The following TENM3 variants were observed in gnomAD, a reference collection of about 807,000 sequenced individuals.
TENM3 encodes the protein teneurin-3.
A neutral mutation model predicts 255.1 loss-of-function variants in TENM3; 63 were observed. The ratio of observed to expected loss-of-function variants is 0.25; its 90% CI spans 0.20 to 0.30. The LOEUF (loss-of-function observed/expected upper bound fraction) is 0.30, where lower values mean the gene tolerates loss of function less well. TENM3 is among the 10% of genes least tolerant of loss of function. The pLI is 1.00. For missense variants in TENM3, 2,929 were observed against 3,461.1 expected, an observed-to-expected ratio of 0.85 and a Z score of 3.86; for synonymous variants, 1,306 against 1,322.3, an observed-to-expected ratio of 0.99 and a Z score of 0.27.
the TENM3 span, among the ~76,000 whole-genome samples, chr4:181,868,303 A>G: frequency 6.6e-6 from 1 of 151,900 alleles, no homozygotes; most frequent in African/African-American, 2.4e-5. Context: ...CAGGATCATG[A>G]CTTCTAACAC....
intron 24 of TENM3, among the ~76,000 whole-genome samples, chr4:182,784,441 C>G (rs991541027): frequency 1.1e-4 from 16 of 151,484 alleles, no homozygotes; most frequent in African/African-American, 3.4e-4. Flanking sequence ...GCTGGGAGAA[C>G]CACTGCTCTC....
chr4:182,445,491 T>TCGGTTA (rs1772841490), intron 3 of TENM3, among the ~76,000 whole-genome samples: 2 of 152,176 alleles, frequency 1.3e-5, no homozygotes, highest in African/African-American at 4.8e-5. Context: ...AATCTCAGTG[T>TCGGTTA]CGGTTACAAT....
chr4:182,391,775 T>C (rs1201367210), intron 3 of TENM3, among the ~76,000 whole-genome samples: 2 of 152,182 alleles, frequency 1.3e-5, no homozygotes, highest in African/African-American at 2.4e-5. Flanking sequence ...ATAAAGTTGG[T>C]ACTTAAAAAT....
chr4:182,341,104 AG>A lies in TENM3; in HGVS notation c.233-5545del, dbSNP rs1299893317. 3.3e-5 allele frequency among the ~76,000 whole-genome samples: 5 copies of A among 152,322 alleles called. No individual in the cohort carries two copies. In the East Asian group the frequency reaches 9.6e-4, roughly 29 times the overall value. On this transcript the variant is annotated intron_variant, in intron 2 of 27. Transcript: ENST00000511685. Reference sequence around the variant, plus strand: ...TTCATTTCTTTACAATAAACGAGGAAGGATTTTTAAAACTGAGCTTCCCCTA... The same window carrying A: ...TTCATTTCTTTACAATAAACGAGGAAGATTTTTAAAACTGAGCTTCCCCTA...
the TENM3 span, among the ~76,000 whole-genome samples, chr4:182,037,250 C>T: frequency 6.6e-6 from 1 of 151,816 alleles, no homozygotes; most frequent in Non-Finnish European, 1.5e-5. Flanking sequence ...TGGGTTCAAG[C>T]AATTCTCCTG....
chr4:182,360,120 T>A (rs570601502), intron 3 of TENM3, among the ~76,000 whole-genome samples: 1 of 148,674 alleles, frequency 6.7e-6, no homozygotes, highest in East Asian at 2.0e-4. Context: ...TTACATTTGC[T>A]GAGGAGAGCT....
the TENM3 span, among the ~76,000 whole-genome samples, chr4:182,109,279 A>G: frequency 0.024 from 3,532 of 148,882 alleles, 130 homozygotes; most frequent in East Asian, 0.17. Flanking sequence ...ATTATGTCAC[A>G]TATAGTATAA....
At chr4:182,170,814 C>A (rs1752055348) in intron 1 of TENM3, among the ~76,000 whole-genome samples, 1 of 152,060 alleles carries the variant, frequency 6.6e-6, no homozygotes, top group South Asian at 2.1e-4. Flanking sequence ...TGTTAAGTGG[C>A]AAAGTAAAAT....
chr4:181,944,420 C>T, the TENM3 span, among the ~76,000 whole-genome samples: 1 of 150,444 alleles, frequency 6.6e-6, no homozygotes, highest in South Asian at 2.1e-4. Flanking sequence ...ATGTTGAGCA[C>T]CCACACTGGC....
the TENM3 span, chr4:181,975,048 G>A: frequency 6.6e-6 from 1 of 151,342 alleles, no homozygotes; most frequent in Non-Finnish European, 1.5e-5. Flanking sequence ...CTGCTGATGA[G>A]TTAGTTCACT....
chr4:182,740,451 G>A (rs1338975991), intron 18 of TENM3, among the ~76,000 whole-genome samples: 1 of 152,204 alleles, frequency 6.6e-6, no homozygotes, highest in Non-Finnish European at 1.5e-5. Flanking sequence ...AGCTGCTCTT[G>A]ATGAAATTGT....
chr4:182,169,502 C>G (rs1751961583), intron 1 of TENM3: 2 of 277,144 alleles, frequency 7.2e-6, no homozygotes, highest in African/African-American at 4.6e-5. Context: ...ATGTGAGGAG[C>G]TTTTTAGAGG....
chr4:181,849,516 C>A, the TENM3 span, among the ~76,000 whole-genome samples: 1 of 152,108 alleles, frequency 6.6e-6, no homozygotes, highest in Admixed American at 6.5e-5. Flanking sequence ...TTCAATTATG[C>A]TGCAGAAAAA....
the TENM3 span, among the ~76,000 whole-genome samples, chr4:181,545,826 T>G: frequency 5.9e-5 from 9 of 152,172 alleles, no homozygotes; most frequent in African/African-American, 2.2e-4. Flanking sequence ...TCGTATTTTC[T>G]TAATGACATA....
At chr4:181,684,174 A>C in the TENM3 span, among the ~76,000 whole-genome samples, 9 of 152,104 alleles carry the variant, frequency 5.9e-5, no homozygotes, top group Non-Finnish European at 1.0e-4. Flanking sequence ...TGCGTCCCAG[A>C]TCCGATTGAT....
At chr4:181,472,323 G>A in the TENM3 span, among the ~76,000 whole-genome samples, 1 of 151,342 alleles carries the variant, frequency 6.6e-6, no homozygotes, top group Non-Finnish European at 1.5e-5. Context: ...ATGGCAGAAG[G>A]TGGAAGGACC....
the TENM3 span, among the ~76,000 whole-genome samples, chr4:181,457,917 A>G: frequency 1.3e-5 from 2 of 151,898 alleles, no homozygotes; most frequent in Non-Finnish European, 2.9e-5. Context: ...TTTCTATAGT[A>G]TTTAGTTTTC....
chr4:182,083,184 T>C, the TENM3 span, among the ~76,000 whole-genome samples: 4 of 152,258 alleles, frequency 2.6e-5, no homozygotes, highest in African/African-American at 9.6e-5. Context: ...TTAACTTCTA[T>C]TGTACTAGTG....
At chr4:182,654,959 C>T (rs538926266) in intron 6 of TENM3, among the ~76,000 whole-genome samples, 6 of 152,192 alleles carry the variant, frequency 3.9e-5, no homozygotes, top group Admixed American at 3.3e-4. Flanking sequence ...GTGAATCCCC[C>T]GCCATATGGA....
Sources: gnomAD v4.1 joint callset for allele counts (sites outside exome capture counted in the v4.1 genomes callset) on GRCh38, gnomAD v4.1.1 for gene constraint, MANE v1.5 for transcripts, NCBI Gene and HGNC (gene_info 2026-07-23, HGNC 2026-07-21) for gene names.